The following SEC14L6 variants were observed in gnomAD, a reference collection of about 807,000 sequenced individuals.
The protein encoded by SEC14L6 is SEC14-like protein 6.
Under a neutral mutation model 54.1 loss-of-function variants are expected in SEC14L6, and 40 were observed. The observed-to-expected ratio is 0.74, with a 90% CI of 0.57 to 0.96. SEC14L6 has a LOEUF of 0.96. SEC14L6 is among the 40% of genes least tolerant of loss of function. The pLI is 0.00. For missense variants in SEC14L6, 471 were observed against 498.3 expected (o/e 0.95, Z 0.52); for synonymous variants, 171 against 198.4 (o/e 0.86, Z 1.16).
At position 30,538,872 on chromosome 22, in the gene SEC14L6, C is replaced by T; in HGVS notation, c.85G>A (p.Ala29Thr). 6.4e-7 allele frequency: 1 copy of T among 1,556,600 alleles called. No individual in the cohort carries two copies. The highest frequency in any genetic ancestry group is 2.4e-5 in the East Asian group (1 of 41,542). The change falls in exon 2 of 12, where the codon GCG (alanine) becomes ACG (threonine). Residue 29 changes from alanine to threonine, a missense_variant. Physicochemically the swap from Ala to Thr is moderately conservative, Grantham distance 58. Coordinates refer to ENST00000402034, the MANE Select transcript of SEC14L6 (RefSeq NM_001193336.4). ...AAGTAGTCATCAGGATTGGGCAGCG[C>T]AGATAGCACATCTTGGATGTTCTCC... ...FRENIQDVLS[A>T]LPNPDDYFLL... is the part of the protein sequence containing the mutation.
intron 2 of SEC14L6, among the ~76,000 whole-genome samples, chr22:30,535,892 T>C (rs1361490064): frequency 6.9e-6 from 1 of 144,616 alleles, no homozygotes; most frequent in Admixed American, 6.9e-5. Context: ...TTTGTGTTTT[T>C]TTTTTTTTTT....
chr22:30,526,806 C>T (rs1426375051), intron 8 of SEC14L6, among the ~76,000 whole-genome samples: 1 of 152,234 alleles, frequency 6.6e-6, no homozygotes, highest in East Asian at 1.9e-4. Flanking sequence ...ACAAATATGA[C>T]AGGAAAGGGC....
In SEC14L6 at chr22:30,532,487, G is replaced by A. The variant is rs576175820; in HGVS notation, c.423+38C>T. ...GTGAGGCTCAGGGGGTGAGGGTGCT[G>A]TGTCCGGCTGCAGCTGCCCAGGGTG... On this transcript the variant is annotated intron_variant, in intron 5 of 11. Coordinates refer to ENST00000402034, the MANE Select transcript of SEC14L6 (RefSeq NM_001193336.4). 5 of 1,515,898 alleles carry A rather than the reference G, an allele frequency of 3.3e-6. No individual in the cohort carries two copies. The East Asian group carries it at 1.2e-4, about 37-fold the overall frequency. The allele number at this position is 1,515,898 out of a possible 1,614,324, so 93.9% of individuals were successfully genotyped here. A position where few individuals can be genotyped will look rare whatever the true frequency, so the allele number is the denominator to read the frequency against.
At chr22:30,539,774 C>T (rs1214258984) in intron 1 of SEC14L6, among the ~76,000 whole-genome samples, 1 of 152,228 alleles carries the variant, frequency 6.6e-6, no homozygotes, top group African/African-American at 2.4e-5. Context: ...ACTTAGAAGC[C>T]TTCAATGTAA....
intron 5 of SEC14L6, 69 bp from the exon 6 acceptor site, chr22:30,532,067 G>A (rs1936995978): frequency 2.0e-6 from 3 of 1,519,870 alleles, no homozygotes; most frequent in Non-Finnish European, 2.6e-6. Context: ...GATGGGGCTG[G>A]GCCTAAGCCC....
At chr22:30,543,030 G>T in intron 1 of SEC14L6, 1 of 1,600,600 alleles carries the variant, frequency 6.2e-7, no homozygotes, top group African/African-American at 1.3e-5. Flanking sequence ...CCGTGGTATC[G>T]GGCCCCGCAG....
intron 5 of SEC14L6, 159 bp downstream of exon 5, chr22:30,532,366 C>G: frequency 2.2e-6 from 2 of 916,480 alleles, no homozygotes; most frequent in Non-Finnish European, 2.6e-6. Context: ...TACTGTGTGG[C>G]CTTGGGTGGG....
intron 2 of SEC14L6, among the ~76,000 whole-genome samples, chr22:30,537,039 A>T (rs1013721026): frequency 6.6e-6 from 1 of 151,486 alleles, no homozygotes; most frequent in Non-Finnish European, 1.5e-5. Context: ...AAAAAAAAAA[A>T]AAGGAAATAA....
At chr22:30,543,652 G>A (rs372435193) in intron 1 of SEC14L6, 56 of 1,612,846 alleles carry the variant, frequency 3.5e-5, no homozygotes, top group Non-Finnish European at 4.4e-5. Context: ...AAATACCGCC[G>A]CTGAGAACAC....
intron 2 of SEC14L6, 94 bp downstream of exon 2, chr22:30,538,733 T>C: frequency 1.2e-6 from 1 of 820,422 alleles, no homozygotes; most frequent in South Asian, 1.7e-5. Flanking sequence ...TTTAAATGGC[T>C]ATGTTTTGGA....
chr22:30,525,524 A>G lies in SEC14L6; in HGVS notation c.912-5T>C. On this transcript the variant is annotated splice_polypyrimidine_tract_variant and splice_region_variant and intron_variant, in intron 10 of 11. Transcript: ENST00000402034. ...CCATCTGAAGCAAACTGCCACCTGC[A>G]GTGGATAGAGCCCCATTGGCGACCC... 2 of 1,613,960 alleles carry G rather than the reference A, an allele frequency of 1.2e-6. No individual in the cohort carries two copies. Among genetic ancestry groups the G allele is most frequent in the Non-Finnish European group, 1.7e-6 (2 of 1,179,848 alleles).
Position 30,532,795 on chromosome 22 carries a change from A to C in SEC14L6, c.234+2T>G. On this transcript the variant is annotated splice_donor_variant, in intron 4 of 11. Coordinates refer to ENST00000402034, the MANE Select transcript of SEC14L6 (RefSeq NM_001193336.4). LOFTEE classifies it high-confidence loss of function. Reference sequence around the variant, plus strand: ...CAGGGTATGGGTTTGAGAGATGCTCACCTCTGGGGGCTGCCAGGCAAGGAT... The same window carrying C: ...CAGGGTATGGGTTTGAGAGATGCTCCCCTCTGGGGGCTGCCAGGCAAGGAT... The C allele has an allele frequency of 1.2e-6, 2 of 1,613,042 alleles. No individual in the cohort carries two copies. The highest frequency in any genetic ancestry group is 1.7e-6 in the Non-Finnish European group (2 of 1,179,662).
rs1169056434 is a variant in SEC14L6, at chr22:30,525,342, A to T, written c.1081+8T>A. On this transcript the variant is annotated splice_region_variant and intron_variant, in intron 11 of 11. Coordinates refer to ENST00000402034, the MANE Select transcript of SEC14L6 (RefSeq NM_001193336.4). ...GCTCCAGGTAGAGCCATCCCTGCCA[A>T]CTCTTACAGCTGCCGGCCTGGAGGC... 6 of 1,613,476 alleles carry T rather than the reference A, an allele frequency of 3.7e-6. No individual in the cohort carries two copies. The South Asian group carries it at 6.6e-5, about 18-fold the overall frequency.
intron 1 of SEC14L6, among the ~76,000 whole-genome samples, chr22:30,545,178 C>A (rs967232729): frequency 6.6e-6 from 1 of 152,172 alleles, no homozygotes; most frequent in African/African-American, 2.4e-5. Context: ...AGGGACTCCT[C>A]CCAGGCTAGA....
chr22:30,542,757 T>A (rs936831541), intron 1 of SEC14L6: 1 of 1,587,004 alleles, frequency 6.3e-7, no homozygotes, highest in Non-Finnish European at 8.6e-7. Context: ...CCCTGAACCC[T>A]GTGGGGCCCA....
chr22:30,523,236 G>A lies in SEC14L6; in HGVS notation c.*1761C>T, dbSNP rs1349347329. On this transcript the variant is annotated 3_prime_UTR_variant, in exon 12 of 12. Coordinates refer to ENST00000402034, the MANE Select transcript of SEC14L6 (RefSeq NM_001193336.4). Reference sequence around the variant, plus strand: ...AAGCTGGGACAACATGTGAGTGACAGGATCCTGGGCAGAATCTCAGCTGAC... The same window carrying A: ...AAGCTGGGACAACATGTGAGTGACAAGATCCTGGGCAGAATCTCAGCTGAC... 1 of 152,218 alleles carries A rather than the reference G, an allele frequency of 6.6e-6. No homozygotes were observed. Among genetic ancestry groups the A allele is most frequent in the African/African-American group, 2.4e-5 (1 of 41,438 alleles). 9.4% of individuals were successfully genotyped at this position (152,218 alleles called of 1,614,324 possible).
intron 8 of SEC14L6, among the ~76,000 whole-genome samples, chr22:30,528,345 A>C (rs1601879093): frequency 6.9e-6 from 1 of 145,544 alleles, no homozygotes; most frequent in Admixed American, 6.9e-5. Context: ...CTGGTCTTGA[A>C]CTCCAGACCT....
chr22:30,535,125 T>A (rs911318063), intron 2 of SEC14L6, among the ~76,000 whole-genome samples: 12 of 152,204 alleles, frequency 7.9e-5, no homozygotes, highest in African/African-American at 2.9e-4. Flanking sequence ...TCATTTTGTT[T>A]TTCTTTTTCT....
chr22:30,532,681 G>T lies in SEC14L6; in HGVS notation c.267C>A (p.Cys89Ter). Reference sequence around the variant, plus strand: ...CAGGGCTGCCCTCACCGTCGTGGCCGCATATGCCGTTAGCGTTGTACAGCC... The same window carrying T: ...CAGGGCTGCCCTCACCGTCGTGGCCTCATATGCCGTTAGCGTTGTACAGCC... ...VVRLYNANGI[C>*]GHDGEGSPVW... is the part of the protein sequence containing the mutation. Residue 89 changes from cysteine to a stop codon, truncating the protein, a stop_gained, in exon 5 of 12, where the codon TGC becomes TGA. Transcript: ENST00000402034. LOFTEE classifies it high-confidence loss of function. The T allele has an allele frequency of 6.4e-7, 1 of 1,554,382 alleles. No homozygotes were observed.
Sources: gnomAD v4.1 joint callset for allele counts (sites outside exome capture counted in the v4.1 genomes callset) on GRCh38, gnomAD v4.1.1 for gene constraint, MANE v1.5 for transcripts, NCBI Gene and HGNC (gene_info 2026-07-23, HGNC 2026-07-21) for gene names.